Variants in LRP1B observed in about 807,000 individuals in gnomAD.
The protein encoded by LRP1B is LDL receptor related protein 1B, also known as low-density lipoprotein receptor-related protein 1B.
LRP1B carries 217 observed loss-of-function variants against 556.6 expected under a neutral mutation model. That is an observed-to-expected ratio of 0.39 (90% CI 0.35 to 0.44). The LOEUF is 0.44. Ranked by LOEUF, LRP1B falls within the 20% of genes least tolerant of loss-of-function variation. The probability of loss-of-function intolerance (pLI) is 1.00; values close to 1 mark genes in which losing one functional copy is unlikely to be tolerated. For missense variants in LRP1B, 5,053 were observed against 5,620.8 expected, an observed-to-expected ratio of 0.90 and a Z score of 3.23; for synonymous variants, 2,047 against 1,865.8, an observed-to-expected ratio of 1.10 and a Z score of -2.50.
chr2:141,253,286 AT>A (rs1174726140), intron 4 of LRP1B, among the ~76,000 whole-genome samples: 3 of 152,142 alleles, frequency 2.0e-5, no homozygotes, highest in Non-Finnish European at 2.9e-5. Flanking sequence ...TTTGTGTGCA[AT>A]TTTCTGATTT....
chr2:140,980,660 T>A (rs1213224596), intron 18 of LRP1B, among the ~76,000 whole-genome samples: 1 of 152,154 alleles, frequency 6.6e-6, no homozygotes, highest in Non-Finnish European at 1.5e-5. Context: ...ATTGAGAGGT[T>A]ACCACCATGG....
At chr2:141,880,681 G>A (rs937465698) in intron 1 of LRP1B, among the ~76,000 whole-genome samples, 8 of 151,960 alleles carry the variant, frequency 5.3e-5, no homozygotes, top group African/African-American at 1.9e-4. Flanking sequence ...AGTATGAAAT[G>A]TTATGTCATT....
At chr2:140,916,822 T>G (rs1559193124) in intron 21 of LRP1B, among the ~76,000 whole-genome samples, 1 of 150,204 alleles carries the variant, frequency 6.7e-6, no homozygotes, top group Admixed American at 6.6e-5. Context: ...GAAATGTTTT[T>G]ATTATAGAAA....
At chr2:141,672,645 T>C (rs980302601) in intron 2 of LRP1B, among the ~76,000 whole-genome samples, 13 of 152,154 alleles carry the variant, frequency 8.5e-5, no homozygotes, top group African/African-American at 3.1e-4. Flanking sequence ...CTGCACAATG[T>C]TCTACAGAGA....
chr2:141,710,991 T>C (rs1558820558), intron 2 of LRP1B, among the ~76,000 whole-genome samples: 1 of 152,208 alleles, frequency 6.6e-6, no homozygotes, highest in Non-Finnish European at 1.5e-5. Flanking sequence ...CCTGGGAAAA[T>C]ATATTTCTAG....
rs1684462080 is a variant in LRP1B at position 140,315,043 on chromosome 2, C to G, written c.12697G>C (p.Gly4233Arg). 6.2e-7 allele frequency: 1 copy of G among 1,611,324 alleles called. No homozygotes were observed. The highest frequency in any genetic ancestry group is 1.7e-5 in the Admixed American group (1 of 59,688). The change falls in exon 83 of 91, where the codon GGT becomes CGT. Residue 4233 changes from glycine (G) to arginine (R), a missense_variant. Coordinates refer to ENST00000389484, the MANE Select transcript of LRP1B (RefSeq NM_018557.3). ...GGCCAACAGTGACACCTCAAATCACCTTTCTCATTTAAAATGCATCTTCCT... is the reference window on the plus strand; with the variant it reads ...GGCCAACAGTGACACCTCAAATCACGTTTCTCATTTAAAATGCATCTTCCT... ...NGGRCILNEK[G>R]DLRCHCWPSY...
chr2:140,381,126 TAGCTCAAAA>T (rs1201900978), intron 67 of LRP1B, among the ~76,000 whole-genome samples: 1 of 152,114 alleles, frequency 6.6e-6, no homozygotes, highest in Non-Finnish European at 1.5e-5. Context: ...TGCCACTAGA[TAGCTCAAAA>T]AGAAACTCTC....
chr2:140,764,077 C>G (rs1372329977), intron 35 of LRP1B, among the ~76,000 whole-genome samples: 1 of 152,038 alleles, frequency 6.6e-6, no homozygotes, highest in Non-Finnish European at 1.5e-5. Flanking sequence ...AGAATTCTTT[C>G]TATAATTCTT....
intron 2 of LRP1B, among the ~76,000 whole-genome samples, chr2:141,784,377 C>A (rs973476163): frequency 6.6e-6 from 1 of 151,914 alleles, no homozygotes; most frequent in Non-Finnish European, 1.5e-5. Context: ...CATTTCTGTA[C>A]ACTGTGGAAT....
intron 2 of LRP1B, among the ~76,000 whole-genome samples, chr2:141,488,786 T>G (rs531261749): frequency 6.6e-6 from 1 of 152,196 alleles, no homozygotes; most frequent in African/African-American, 2.4e-5. Flanking sequence ...CTGTGAAATC[T>G]TTCTCCTTAT....
At chr2:141,036,887 A>T (rs996415128) in intron 11 of LRP1B, among the ~76,000 whole-genome samples, 5 of 152,010 alleles carry the variant, frequency 3.3e-5, no homozygotes, top group Admixed American at 2.6e-4. Flanking sequence ...TGCCCTGGGG[A>T]TGGGGCAGAA....
At chr2:141,451,281 T>C (rs899100972) in intron 3 of LRP1B, among the ~76,000 whole-genome samples, 5 of 152,218 alleles carry the variant, frequency 3.3e-5, no homozygotes, top group African/African-American at 1.2e-4. Flanking sequence ...TTCAATAATT[T>C]GTATCCATCC....
At chr2:141,807,239 A>C (rs1696193887) in intron 2 of LRP1B, among the ~76,000 whole-genome samples, 2 of 149,914 alleles carry the variant, frequency 1.3e-5, no homozygotes, top group Admixed American at 1.3e-4. Context: ...GAGAAATTTA[A>C]ATTTGGCAAA....
intron 46 of LRP1B, among the ~76,000 whole-genome samples, chr2:140,536,340 A>G (rs886300898): frequency 2.0e-5 from 2 of 101,256 alleles, no homozygotes; most frequent in African/African-American, 6.3e-5. Flanking sequence ...AAAAAAAAAA[A>G]AAGGCTATTT....
intron 2 of LRP1B, among the ~76,000 whole-genome samples, chr2:141,786,668 G>A (rs2105651507): frequency 6.6e-6 from 1 of 151,910 alleles, no homozygotes; most frequent in South Asian, 2.1e-4. Flanking sequence ...TAGGACCACT[G>A]GTATGAGATT....
At chr2:142,082,556 C>A (rs536099423) in intron 1 of LRP1B, among the ~76,000 whole-genome samples, 1 of 152,252 alleles carries the variant, frequency 6.6e-6, no homozygotes, top group African/African-American at 2.4e-5. Flanking sequence ...GCTGCTGACT[C>A]GTGTCCCAGG....
In LRP1B at chr2:140,770,975, T is replaced by C. The variant is rs1042817419; in HGVS notation, c.5532A>G (p.Gly1844=). The C allele has an allele frequency of 1.3e-6, 2 of 1,584,540 alleles. No individual in the cohort carries two copies. The highest frequency in any genetic ancestry group is 1.7e-6 in the Non-Finnish European group (2 of 1,168,272). ...ATGTTGGTAAACAAAGTTGAGAGCA[T>C]CCACCATTGTTTAGTTGGCAGGAAT... is the stretch of plus-strand genomic sequence containing the variant. The part of the protein sequence containing the change: ...GSNSCQLNNG[G]CSQLCLPTSE... The change falls in exon 34 of 91, where the codon GGA becomes GGG. Residue 1844 remains glycine (G), a synonymous_variant. Coordinates refer to ENST00000389484, the MANE Select transcript of LRP1B (RefSeq NM_018557.3).
At chr2:140,472,636 C>T (rs186313355) in intron 60 of LRP1B, among the ~76,000 whole-genome samples, 5 of 152,066 alleles carry the variant, frequency 3.3e-5, no homozygotes, top group African/African-American at 1.2e-4. Context: ...ATAATCTGAA[C>T]TTTAAGTCAC....
intron 84 of LRP1B, among the ~76,000 whole-genome samples, chr2:140,284,736 TC>T (rs1320322346): frequency 3.0e-5 from 4 of 134,344 alleles, no homozygotes; most frequent in African/African-American, 8.1e-5. Flanking sequence ...GTTTTTTTTT[TC>T]AATGTTACAA....
Sources: gnomAD v4.1 joint callset for allele counts (sites outside exome capture counted in the v4.1 genomes callset) on GRCh38, gnomAD v4.1.1 for gene constraint, MANE v1.5 for transcripts, NCBI Gene and HGNC (gene_info 2026-07-23, HGNC 2026-07-21) for gene names.